The following ZNF445 variants were observed in gnomAD, a reference collection of about 807,000 sequenced individuals.
ZNF445 encodes zinc finger protein 168.
ZNF445 carries 19 observed loss-of-function variants against 93.9 expected under a neutral mutation model. The ratio of observed to expected loss-of-function variants is 0.20; its 90% CI spans 0.14 to 0.30. The LOEUF (loss-of-function observed/expected upper bound fraction) is 0.30. Among genes scored for constraint, ZNF445 ranks in the 10% least tolerant of loss-of-function variants. The probability of loss-of-function intolerance (pLI) is 1.00; values close to 1 mark genes in which losing one functional copy is unlikely to be tolerated. For synonymous variants in ZNF445, 449 were observed against 446.3 expected (o/e 1.01, Z -0.08); for missense variants, 1,058 against 1,259.4 (o/e 0.84, Z 2.42).
At chr3:44,465,102 A>AG (rs2125683975) in intron 1 of ZNF445, among the ~76,000 whole-genome samples, 1 of 150,966 alleles carries the variant, frequency 6.6e-6, no homozygotes, top group East Asian at 1.9e-4. Context: ...CTTACTTATC[A>AG]GGTTTTTCAC....
At position 44,445,377 on chromosome 3, in the gene ZNF445, T is replaced by G. The variant is rs147481222; in HGVS notation, c.*1198A>C. The G allele has an allele frequency of 2.0e-5, 3 of 152,294 alleles. No homozygotes were observed. The highest frequency in any genetic ancestry group is 4.4e-5 in the Non-Finnish European group (3 of 68,038). The allele number at this position is 152,294 out of a possible 1,614,324, so 9.4% of individuals were successfully genotyped here. On this transcript the variant is annotated 3_prime_UTR_variant, in exon 8 of 8. Coordinates refer to ENST00000396077, the MANE Select transcript of ZNF445 (RefSeq NM_181489.6). ...TAACCCTTATAAAATATAATTCAGA[T>G]TCAAACCACATCACTCCTCAACTCA...
intron 1 of ZNF445, among the ~76,000 whole-genome samples, chr3:44,468,493 A>G (rs1188421826): frequency 6.6e-6 from 1 of 152,190 alleles, no homozygotes; most frequent in Non-Finnish European, 1.5e-5. Flanking sequence ...CATTAGCCAC[A>G]AGATTAGAAA....
intron 7 of ZNF445, among the ~76,000 whole-genome samples, chr3:44,449,295 G>C (rs1365748621): frequency 2.0e-5 from 3 of 152,098 alleles, no homozygotes; most frequent in African/African-American, 7.2e-5. Flanking sequence ...GGGCTGCTGT[G>C]AGAAGGGGAC....
Position 44,449,533 on chromosome 3 carries a change from T to C in ZNF445, c.911A>G (p.Asn304Ser), listed in dbSNP as rs1322591059. The C allele has an allele frequency of 6.2e-7, 1 of 1,614,148 alleles. No homozygotes were observed. The highest frequency in any genetic ancestry group is 1.7e-5 in the Admixed American group (1 of 60,014). ...CTCACCTGTAGGAGCAGCAACTGGA[T>C]TCCCCTTAGGCTGAGCTGCCTGCAT... ...LNMQAAQPKG[N>S]PVAAPTGDDL... Residue 304 changes from asparagine to serine, a missense_variant, in exon 7 of 8, where the codon AAT becomes AGT. By Grantham distance (46) the Asn-to-Ser change is conservative. Transcript: ENST00000396077.
intron 3 of ZNF445, 117 bp downstream of exon 3, chr3:44,455,004 G>A: frequency 7.7e-7 from 1 of 1,290,624 alleles, no homozygotes; most frequent in Middle Eastern, 1.9e-4. Flanking sequence ...GGGAAGAAAG[G>A]AAGGCTTCCC....
chr3:44,463,505 C>A (rs1443334877), intron 1 of ZNF445, among the ~76,000 whole-genome samples: 1 of 151,892 alleles, frequency 6.6e-6, no homozygotes, highest in South Asian at 2.1e-4. Flanking sequence ...ACTGATAGAT[C>A]CCTTTCAAAA....
intron 2 of ZNF445, among the ~76,000 whole-genome samples, chr3:44,456,242 C>T (rs1698026714): frequency 6.6e-6 from 1 of 151,724 alleles, no homozygotes; most frequent in African/African-American, 2.4e-5. Flanking sequence ...ATGGCAAGAC[C>T]CCGTCTCTAC....
intron 7 of ZNF445, among the ~76,000 whole-genome samples, chr3:44,449,063 G>T (rs938115713): frequency 9.2e-5 from 14 of 152,198 alleles, no homozygotes; most frequent in African/African-American, 3.1e-4. Flanking sequence ...AAGCCAAGGG[G>T]TGGGGCTCCA....
Position 44,446,551 on chromosome 3 carries a change from C to T in ZNF445, c.*24G>A. 1 of 1,613,634 alleles carries T rather than the reference C, an allele frequency of 6.2e-7. No homozygotes were observed. Among genetic ancestry groups the T allele is most frequent in the Non-Finnish European group, 8.5e-7 (1 of 1,179,972 alleles). On this transcript the variant is annotated 3_prime_UTR_variant, in exon 8 of 8. Coordinates refer to ENST00000396077, the MANE Select transcript of ZNF445 (RefSeq NM_181489.6). This position sits in a 1 kb window ranked among gnomAD's most constrained non-coding sequence, Gnocchi z 4.2. ...CTAGCAGGGGACTGAGAACCCACCC[C>T]CACTGTCACTGTCAGGTCCCAGGCT...
At position 44,446,586 on chromosome 3, in the gene ZNF445, T is replaced by C; in HGVS notation, c.3085A>G (p.Ile1029Val). The C allele has an allele frequency of 1.2e-6, 2 of 1,614,166 alleles. No individual in the cohort carries two copies. Among genetic ancestry groups the C allele is most frequent in the Non-Finnish European group, 1.7e-6 (2 of 1,180,010 alleles). Reference protein sequence around the residue: ...SNLARHMKNHIRD With the variant: ...SNLARHMKNHVRD Reference sequence around the variant, plus strand: ...TGTCAGGTCCCAGGCTAATCTCTAATATGGTTTTTCATATGCCGAGCCAGG... The same window carrying C: ...TGTCAGGTCCCAGGCTAATCTCTAACATGGTTTTTCATATGCCGAGCCAGG... Residue 1029 changes from isoleucine (I) to valine (V), a missense_variant, in exon 8 of 8, where the codon ATT (isoleucine) becomes GTT (valine). This residue lies in a region of ZNF445 where 387 missense variants were observed against 475.7 expected (regional missense o/e 0.81). Transcript: ENST00000396077. This position sits in a 1 kb window ranked among gnomAD's most constrained non-coding sequence, Gnocchi z 4.2.
In ZNF445 at chr3:44,443,212, G is replaced by A. The variant is rs1284787451; in HGVS notation, c.*3363C>T. ...GGGGGCTGGCATGGGGAAGGGACAG[G>A]AAAGCCAAATCCAACATTGATTCTG... On this transcript the variant is annotated 3_prime_UTR_variant, in exon 8 of 8. Coordinates refer to ENST00000396077, the MANE Select transcript of ZNF445 (RefSeq NM_181489.6). 6.6e-6 allele frequency: 1 copy of A among 152,186 alleles called. No individual in the cohort carries two copies. Among genetic ancestry groups the A allele is most frequent in the Non-Finnish European group, 1.5e-5 (1 of 68,050 alleles). 9.4% of individuals were successfully genotyped at this position (152,186 alleles called of 1,614,324 possible).
chr3:44,463,001 AT>A (rs916508084), intron 1 of ZNF445, among the ~76,000 whole-genome samples: 1 of 133,576 alleles, frequency 7.5e-6, no homozygotes, highest in Non-Finnish European at 1.6e-5. Context: ...CAACTGAATT[AT>A]TTTTTTCTTT....
In ZNF445 at chr3:44,450,543, T is replaced by G; in HGVS notation, c.724A>C (p.Thr242Pro). The G allele has an allele frequency of 6.2e-7, 1 of 1,614,142 alleles. No homozygotes were observed. The highest frequency in any genetic ancestry group is 8.5e-7 in the Non-Finnish European group (1 of 1,180,010). The change falls in exon 6 of 8, where the codon ACC (threonine) becomes CCC (proline). Residue 242 changes from threonine to proline, a missense_variant. By Grantham distance (38) the Thr-to-Pro change is conservative. Coordinates refer to ENST00000396077, the MANE Select transcript of ZNF445 (RefSeq NM_181489.6). ...ETMTFKDVEVTFSQDEWGWLD... is the reference protein window; with the variant it reads ...ETMTFKDVEVPFSQDEWGWLD... ...CACCCCCACTCGTCCTGGGAGAAGG[T>G]CACCTCCACATCCTTGAAAGTCATG... is the stretch of plus-strand genomic sequence containing the variant.
intron 1 of ZNF445, among the ~76,000 whole-genome samples, chr3:44,460,570 C>A (rs992178744): frequency 1.3e-5 from 2 of 152,096 alleles, no homozygotes; most frequent in African/African-American, 2.4e-5. Context: ...GAGCTTGTGG[C>A]CCCCCACCCA....
At chr3:44,477,014 T>C (rs1388736903) in intron 1 of ZNF445, among the ~76,000 whole-genome samples, 1 of 152,228 alleles carries the variant, frequency 6.6e-6, no homozygotes, top group African/African-American at 2.4e-5. Context: ...TAAAAAGCAG[T>C]AGTATGGATA....
intron 1 of ZNF445, among the ~76,000 whole-genome samples, chr3:44,469,553 G>A (rs192239840): frequency 6.6e-6 from 1 of 152,240 alleles, no homozygotes; most frequent in Non-Finnish European, 1.5e-5. Flanking sequence ...CACATTACCT[G>A]AGGTCAGGAG....
Position 44,433,758 on chromosome 3 carries a change from C to T in ZNF445, c.*12817G>A, listed in dbSNP as rs1697612590. The stretch of plus-strand genomic sequence containing the variant: ...AGGCAGGACTGGCTTCACAGGCAGG[C>T]AGCCTGGGCAGCCCTGCGGGGCCCC... On this transcript the variant is annotated 3_prime_UTR_variant, in exon 8 of 8. Transcript: ENST00000396077. 6.6e-6 allele frequency: 1 copy of T among 152,284 alleles called. No individual in the cohort carries two copies. The highest frequency in any genetic ancestry group is 1.5e-5 in the Non-Finnish European group (1 of 68,086). The allele number at this position is 152,284 out of a possible 1,614,324, so 9.4% of individuals were successfully genotyped here.
intron 1 of ZNF445, among the ~76,000 whole-genome samples, chr3:44,473,892 A>C (rs1698307583): frequency 6.6e-6 from 1 of 152,206 alleles, no homozygotes; most frequent in Admixed American, 6.5e-5. Flanking sequence ...TAAATAAATA[A>C]CAGGGGAGAA....
rs1395496803 is a variant in ZNF445, at chr3:44,446,591, T to C, written c.3080A>G (p.Asn1027Ser). The C allele has an allele frequency of 6.2e-7, 1 of 1,614,152 alleles. No homozygotes were observed. Among genetic ancestry groups the C allele is most frequent in the East Asian group, 2.2e-5 (1 of 44,880 alleles). Residue 1027 changes from asparagine (N) to serine (S), a missense_variant, in exon 8 of 8, where the codon AAC becomes AGC. Coordinates refer to ENST00000396077, the MANE Select transcript of ZNF445 (RefSeq NM_181489.6). This position sits in a 1 kb window ranked among gnomAD's most constrained non-coding sequence, Gnocchi z 4.2. ...WSSNLARHMK[N>S]HIRD ...GGTCCCAGGCTAATCTCTAATATGGTTTTTCATATGCCGAGCCAGGTTCGA... is the reference window on the plus strand; with the variant it reads ...GGTCCCAGGCTAATCTCTAATATGGCTTTTCATATGCCGAGCCAGGTTCGA...
Sources: allele counts gnomAD v4.1 joint callset (sites outside exome capture counted in the v4.1 genomes callset), GRCh38; gene constraint gnomAD v4.1.1; regional missense constraint gnomAD v4.1.1; non-coding constraint Gnocchi (gnomAD v3.1); transcripts MANE v1.5; gene names NCBI Gene and HGNC (gene_info 2026-07-23, HGNC 2026-07-21).